Variants in TPO observed in about 807,000 individuals in gnomAD.
TPO encodes the protein thyroid peroxidase.
Under a neutral mutation model 96.9 loss-of-function variants are expected in TPO, and 78 were observed. That is an observed-to-expected ratio of 0.81 (90% CI 0.67 to 0.97). TPO has a LOEUF of 0.97. TPO is among the 50% of genes least tolerant of loss of function. The pLI, the probability that TPO is intolerant of heterozygous loss-of-function variation, is 0.00. For synonymous variants in TPO, 547 were observed against 538.0 expected, an observed-to-expected ratio of 1.02 and a Z score of -0.23; for missense variants, 1,252 against 1,274.8, an observed-to-expected ratio of 0.98 and a Z score of 0.27.
chr2:1,416,963 G>A (rs367707515), intron 2 of TPO, among the ~76,000 whole-genome samples: 11 of 152,270 alleles, frequency 7.2e-5, no homozygotes, highest in African/African-American at 1.4e-4. Flanking sequence ...ATGGTGCTCC[G>A]GGGGGTCCTG....
At chr2:1,387,570 T>G (rs2148352723) in intron 1 of TPO, among the ~76,000 whole-genome samples, 1 of 152,346 alleles carries the variant, frequency 6.6e-6, no homozygotes, top group East Asian at 1.9e-4. Flanking sequence ...AGCAGGTCCT[T>G]TAAGGACTTC....
At chr2:1,532,898 A>T (rs1678646669) in intron 15 of TPO, among the ~76,000 whole-genome samples, 1 of 93,620 alleles carries the variant, frequency 1.1e-5, no homozygotes. Flanking sequence ...CAACCTCCCA[A>T]AATCTCCCTA....
chr2:1,493,511 G>A (rs1027039174), intron 10 of TPO, among the ~76,000 whole-genome samples: 7 of 91,174 alleles, frequency 7.7e-5, no homozygotes, highest in African/African-American at 2.5e-4. Context: ...GAATATCCTA[G>A]CCTGGCAAAC....
chr2:1,528,294 C>A (rs1243142771), intron 15 of TPO, among the ~76,000 whole-genome samples: 2 of 127,024 alleles, frequency 1.6e-5, no homozygotes, highest in Non-Finnish European at 3.2e-5. Context: ...AGCAAAAACA[C>A]AAATTCCCCC....
At chr2:1,380,247 A>C (rs1223840082) in intron 1 of TPO, among the ~76,000 whole-genome samples, 1 of 152,028 alleles carries the variant, frequency 6.6e-6, no homozygotes, top group Non-Finnish European at 1.5e-5. Context: ...ACAAAAAATT[A>C]GCAGGGCGTG....
At chr2:1,440,181 ACCG>A (rs1437369652) in intron 5 of TPO, among the ~76,000 whole-genome samples, 1,608 of 126,120 alleles carry the variant, frequency 0.013, 30 homozygotes, top group African/African-American at 0.047. Context: ...CTGCGTTTCC[ACCG>A]TGCTGCATTT....
intron 7 of TPO, among the ~76,000 whole-genome samples, chr2:1,472,750 G>T (rs975193341): frequency 7.4e-6 from 1 of 135,286 alleles, no homozygotes; most frequent in Admixed American, 8.4e-5. Flanking sequence ...ACGACTGAGT[G>T]TACCCCTTAC....
In TPO at chr2:1,543,323, A is replaced by G. The variant is rs970039634; in HGVS notation, c.*849A>G. 1 of 152,230 alleles carries G rather than the reference A, an allele frequency of 6.6e-6. No homozygotes were observed. The highest frequency in any genetic ancestry group is 2.4e-5 in the African/African-American group (1 of 41,428). The allele number at this position is 152,230 out of a possible 1,614,324, so 9.4% of individuals were successfully genotyped here. A position where few individuals can be genotyped will look rare whatever the true frequency, so the allele number is the denominator to read the frequency against. ...AGGCAATAGTTAGGAGTCCTTCGGCATTGAAAGCAAACTCAGACACATCTG... is the reference window on the plus strand; with the variant it reads ...AGGCAATAGTTAGGAGTCCTTCGGCGTTGAAAGCAAACTCAGACACATCTG... On this transcript the variant is annotated 3_prime_UTR_variant, in exon 17 of 17. Coordinates refer to ENST00000329066, the MANE Select transcript of TPO (RefSeq NM_001206744.2).
chr2:1,524,944 CG>C (rs1676084195), intron 15 of TPO, among the ~76,000 whole-genome samples: 4 of 137,288 alleles, frequency 2.9e-5, no homozygotes, highest in African/African-American at 1.1e-4. Flanking sequence ...CCTCAAATCC[CG>C]ACTCTGTGCA....
intron 15 of TPO, among the ~76,000 whole-genome samples, chr2:1,539,186 C>G (rs1184077121): frequency 6.7e-6 from 1 of 150,234 alleles, no homozygotes; most frequent in Non-Finnish European, 1.5e-5. Flanking sequence ...AATGAGCAGA[C>G]AGTGAATGAG....
upstream of TPO, chr2:1,374,160 G>A (rs1457237463): frequency 2.6e-5 from 4 of 152,214 alleles, no homozygotes; most frequent in Admixed American, 2.0e-4. Context: ...TCCTCTTCAC[G>A]AGATTATAAG....
rs149373707 is a variant in TPO, at chr2:1,415,833, G to A, written c.94+1331G>A. 4.8e-3 allele frequency among the ~76,000 whole-genome samples: 728 copies of A among 152,278 alleles called. 3 individuals are homozygous for A. Among genetic ancestry groups the A allele is most frequent in the Non-Finnish European group, 7.8e-3 (533 of 68,024 alleles). On this transcript the variant is annotated intron_variant, in intron 2 of 16. Coordinates refer to ENST00000329066, the MANE Select transcript of TPO (RefSeq NM_001206744.2). ...CCACACCCAGCCCAGCCTCCTGCTG[G>A]GGGCCACATTTTACCCCAATTTTTC...
In TPO at chr2:1,515,875, T is replaced by C. The variant is rs541628116; in HGVS notation, c.2519-1008T>C. Reference sequence around the variant, plus strand: ...CTTCAACCACACGTGATGATGTTTATCCAGGGCGACCCATGTTTGTTTAAA... The same window carrying C: ...CTTCAACCACACGTGATGATGTTTACCCAGGGCGACCCATGTTTGTTTAAA... On this transcript the variant is annotated intron_variant, in intron 14 of 16. Coordinates refer to ENST00000329066, the MANE Select transcript of TPO (RefSeq NM_001206744.2). Among the ~76,000 whole-genome samples, 3 of 152,246 alleles carry C rather than the reference T, an allele frequency of 2.0e-5. No individual in the cohort carries two copies. The South Asian group carries it at 6.2e-4, about 32-fold the overall frequency.
intron 11 of TPO, 100 bp from the exon 12 acceptor site, chr2:1,495,889 G>A (rs1370152948): frequency 7.3e-7 from 1 of 1,360,890 alleles, no homozygotes; most frequent in African/African-American, 1.4e-5. Flanking sequence ...GACGCCGCAG[G>A]AGAGGCTGGC....
rs138170307 is a variant in TPO at position 1,505,504 on chromosome 2, C to CCTG, written c.2518+1426_2518+1427insTGC. Among the ~76,000 whole-genome samples, 18 of 104,188 alleles carry CCTG rather than the reference C, an allele frequency of 1.7e-4. 1 individual carries two copies. The highest frequency in any genetic ancestry group is 7.3e-4 in the Admixed American group (7 of 9,634). The allele number at this position is 104,188 out of a possible 152,430, so 68.4% of individuals were successfully genotyped here. ...CCCCCCACCCCGTGTCAGGCACACC[C>CCTG]CCACCACCATCCTGTGTCAAGCACA... On this transcript the variant is annotated intron_variant, in intron 14 of 16. Coordinates refer to ENST00000329066, the MANE Select transcript of TPO (RefSeq NM_001206744.2).
At chr2:1,492,664 TTCTG>T (rs1369742096) in intron 10 of TPO, among the ~76,000 whole-genome samples, 2 of 152,198 alleles carry the variant, frequency 1.3e-5, no homozygotes, top group South Asian at 4.1e-4. Context: ...AGGCCCAACC[TTCTG>T]TCCCATGAAA....
At chr2:1,541,981 C>T (rs543251464) in intron 16 of TPO, 27 of 214,708 alleles carry the variant, frequency 1.3e-4, no homozygotes, top group South Asian at 1.0e-3. Context: ...CCAAAAGGAC[C>T]TGGCCTGGAA....
intron 15 of TPO, among the ~76,000 whole-genome samples, chr2:1,526,806 T>TC (rs199561252): frequency 3.6e-5 from 1 of 27,594 alleles, no homozygotes; most frequent in Non-Finnish European, 6.7e-5. Flanking sequence ...CCTCCCCAAA[T>TC]CCCCCCCAAT....
At chr2:1,461,042 C>T (rs1668379807) in intron 7 of TPO, among the ~76,000 whole-genome samples, 1 of 152,158 alleles carries the variant, frequency 6.6e-6, no homozygotes, top group Non-Finnish European at 1.5e-5. Flanking sequence ...TTTGTCCAGA[C>T]AGGTGGGACA....
Sources: allele counts gnomAD v4.1 joint callset (sites outside exome capture counted in the v4.1 genomes callset), GRCh38; gene constraint gnomAD v4.1.1; transcripts MANE v1.5; gene names NCBI Gene and HGNC (gene_info 2026-07-23, HGNC 2026-07-21).